The following RASGRP4 variants were observed in gnomAD, a reference collection of about 807,000 sequenced individuals.
RASGRP4 encodes RAS guanyl-releasing protein 4.
In RASGRP4, 52 loss-of-function variants were observed where a neutral mutation model predicts 84.4. The ratio of observed to expected loss-of-function variants is 0.62; its 90% CI spans 0.49 to 0.78. The LOEUF (loss-of-function observed/expected upper bound fraction) is 0.78, where lower values mean the gene tolerates loss of function less well. Among genes scored for constraint, RASGRP4 ranks in the 30% least tolerant of loss-of-function variants. The pLI is 0.00. For synonymous variants in RASGRP4, 356 were observed against 359.1 expected (o/e 0.99, Z 0.10); for missense variants, 760 against 886.9 (o/e 0.86, Z 1.82).
In RASGRP4 at chr19:38,409,082, A is replaced by C; in HGVS notation, c.*958T>G. The C allele has an allele frequency of 2.0e-6, 1 of 489,104 alleles. No homozygotes were observed. Among genetic ancestry groups the C allele is most frequent in the Non-Finnish European group, 3.4e-6 (1 of 297,988 alleles). The allele number at this position is 489,104 out of a possible 1,614,324, so 30.3% of individuals were successfully genotyped here. On this transcript the variant is annotated 3_prime_UTR_variant, in exon 17 of 17. Transcript: ENST00000615439. ...CTCCAGAGAATAAATTTAATTTATG[A>C]CAGCTGTAGGACCTCTCTCTGTGGG...
At chr19:38,420,563 G>T (rs1971700053) in intron 4 of RASGRP4, among the ~76,000 whole-genome samples, 1 of 151,444 alleles carries the variant, frequency 6.6e-6, no homozygotes, top group Non-Finnish European at 1.5e-5. Flanking sequence ...GGCTTCCGGG[G>T]GTGAAATTTT....
At chr19:38,410,411 T>C (rs79020718) in intron 16 of RASGRP4, among the ~76,000 whole-genome samples, 7 of 148,520 alleles carry the variant, frequency 4.7e-5, no homozygotes, top group African/African-American at 1.8e-4. Context: ...AACTTCTATT[T>C]TTCTTTTTTT....
At position 38,411,154 on chromosome 19, in the gene RASGRP4, C is replaced by T; in HGVS notation, c.1813G>A (p.Ala605Thr). The T allele has an allele frequency of 6.2e-7, 1 of 1,613,876 alleles. No individual in the cohort carries two copies. The highest frequency in any genetic ancestry group is 1.1e-5 in the South Asian group (1 of 91,080). The change falls in exon 15 of 17, where the codon GCT becomes ACT. Residue 605 changes from alanine (A) to threonine (T), a missense_variant. By Grantham distance (58) the Ala-to-Thr change is moderately conservative (BLOSUM62 0). Coordinates refer to ENST00000615439, the MANE Select transcript of RASGRP4 (RefSeq NM_170604.3). Reference protein sequence around the residue: ...GAKGDAGPPGAPVPSTPAPHA... With the variant: ...GAKGDAGPPGTPVPSTPAPHA... ...GGAGCTGGTGTGGATGGGACAGGAG[C>T]TCCGGGGGGTCCTGCATCGCCCTTG... is the stretch of plus-strand genomic sequence containing the variant.
intron 1 of RASGRP4, among the ~76,000 whole-genome samples, chr19:38,425,504 C>T (rs1416846242): frequency 3.3e-5 from 5 of 152,108 alleles, no homozygotes; most frequent in Admixed American, 2.0e-4. Flanking sequence ...CTGGGGGTGG[C>T]AGGAGGAGTT....
rs747352606 is a variant in RASGRP4 at position 38,417,160 on chromosome 19, G to A, written c.846C>T (p.His282=). Residue 282 remains histidine, a synonymous_variant, in exon 8 of 17, where the codon CAC becomes CAT. Transcript: ENST00000615439. The surrounding 1 kb of genome is among the most constrained non-coding windows in gnomAD (Gnocchi z 5.1). ...DKFIHVAQRL[H]QLQNFNTLMA... ...TCAGCGTGTTGAAATTCTGCAGCTG[G>A]TGGAGCCTCTAGGAAGAGAAGCATG... is the stretch of plus-strand genomic sequence containing the variant. The A allele has an allele frequency of 6.4e-7, 1 of 1,556,086 alleles. No homozygotes were observed. Among genetic ancestry groups the A allele is most frequent in the East Asian group, 2.4e-5 (1 of 41,390 alleles).
Position 38,426,113 on chromosome 19 carries a change from G to A in RASGRP4, c.-22C>T, listed in dbSNP as rs369893715. 7.6e-5 allele frequency: 101 copies of A among 1,322,538 alleles called. No individual in the cohort carries two copies. The highest frequency in any genetic ancestry group is 9.6e-5 in the Non-Finnish European group (99 of 1,027,176). 81.9% of individuals were successfully genotyped at this position (1,322,538 alleles called of 1,614,324 possible). A position where few individuals can be genotyped will look rare whatever the true frequency, so the allele number is the denominator to read the frequency against. On this transcript the variant is annotated 5_prime_UTR_variant, in exon 1 of 17. Coordinates refer to ENST00000615439, the MANE Select transcript of RASGRP4 (RefSeq NM_170604.3). ...TCATGCTTCCCGCGTGGGGTGAGGA[G>A]GCCGGGGGTCTTGCAAGAGTAGGGC... is the stretch of plus-strand genomic sequence containing the variant.
Position 38,410,010 on chromosome 19 carries a change from G to C in RASGRP4, c.*30C>G. The C allele has an allele frequency of 6.3e-7, 1 of 1,589,664 alleles. No individual in the cohort carries two copies. Among genetic ancestry groups the C allele is most frequent in the Non-Finnish European group, 8.6e-7 (1 of 1,162,184 alleles). ...GGACTCAGGACTGACTGGGGGAAGG[G>C]AGTGAGGAAGAGAGGAGACCAAGAG... On this transcript the variant is annotated 3_prime_UTR_variant, in exon 17 of 17. Transcript: ENST00000615439.
At chr19:38,419,009 G>A (rs1049012410) in intron 6 of RASGRP4, among the ~76,000 whole-genome samples, 1 of 152,064 alleles carries the variant, frequency 6.6e-6, no homozygotes, top group Non-Finnish European at 1.5e-5. Context: ...ACCTCTATCT[G>A]TTCTGCCCAA....
rs1237665580 is a variant in RASGRP4 at position 38,420,037 on chromosome 19, A to G, written c.510-24T>C. 3.1e-6 allele frequency: 5 copies of G among 1,611,572 alleles called. No homozygotes were observed. In the African/African-American group the frequency reaches 6.7e-5, roughly 22 times the overall value. Reference sequence around the variant, plus strand: ...GGCTGGGGGCCAAGAGGGGCAGGGTATTGGAGTGGCTCACAGTTGAGGGCT... The same window carrying G: ...GGCTGGGGGCCAAGAGGGGCAGGGTGTTGGAGTGGCTCACAGTTGAGGGCT... On this transcript the variant is annotated intron_variant, in intron 5 of 16. Coordinates refer to ENST00000615439, the MANE Select transcript of RASGRP4 (RefSeq NM_170604.3).
chr19:38,409,348 C>G lies in RASGRP4; in HGVS notation c.*692G>C, dbSNP rs1377963826. On this transcript the variant is annotated 3_prime_UTR_variant, in exon 17 of 17. Coordinates refer to ENST00000615439, the MANE Select transcript of RASGRP4 (RefSeq NM_170604.3). ...CAGTGAATGACATTGATAGAAATCC[C>G]TGTTCTCCTGGAGTTGATGCTCCTG... is the stretch of plus-strand genomic sequence containing the variant. 6.5e-6 allele frequency: 1 copy of G among 153,556 alleles called. No homozygotes were observed. Among genetic ancestry groups the G allele is most frequent in the Non-Finnish European group, 1.4e-5 (1 of 69,138 alleles). 9.5% of individuals were successfully genotyped at this position (153,556 alleles called of 1,614,324 possible). A position where few individuals can be genotyped will look rare whatever the true frequency, so the allele number is the denominator to read the frequency against.
At chr19:38,416,978 G>C (rs1023006701) in intron 8 of RASGRP4, 74 bp downstream of exon 8, 1 of 881,674 alleles carries the variant, frequency 1.1e-6, no homozygotes, top group African/African-American at 1.7e-5. Context: ...GGAATGGACA[G>C]GGCTTGGGGA....
intron 16 of RASGRP4, 115 bp downstream of exon 16, chr19:38,410,771 C>G (rs1464319811): frequency 1.1e-5 from 8 of 734,622 alleles, no homozygotes; most frequent in African/African-American, 3.5e-5. Flanking sequence ...CCCCAGCAGT[C>G]AAGGACTTCT....
chr19:38,424,620 G>GT (rs1254281648), intron 1 of RASGRP4, among the ~76,000 whole-genome samples: 1 of 144,942 alleles, frequency 6.9e-6, no homozygotes, highest in Non-Finnish European at 1.5e-5. Flanking sequence ...TGTCAATGGG[G>GT]GGGGGGGTCT....
intron 2 of RASGRP4, 81 bp from the exon 3 acceptor site, chr19:38,421,281 C>G: frequency 9.5e-7 from 1 of 1,049,002 alleles, no homozygotes. Flanking sequence ...GCCGGACCAC[C>G]TGGTTCAAAG....
rs1282879355 is a variant in RASGRP4 at position 38,415,143 on chromosome 19, G to A, written c.955-20C>T. 1.9e-6 allele frequency: 3 copies of A among 1,570,842 alleles called. No individual in the cohort carries two copies. Among genetic ancestry groups the A allele is most frequent in the Non-Finnish European group, 2.6e-6 (3 of 1,156,424 alleles). The stretch of plus-strand genomic sequence containing the variant: ...GAGGGCCTGGGGAGGAGGGACATGG[G>A]ATTGGGGCGTTATCAGGACAGTCCC... On this transcript the variant is annotated intron_variant, in intron 8 of 16. Coordinates refer to ENST00000615439, the MANE Select transcript of RASGRP4 (RefSeq NM_170604.3).
rs1165104294 is a variant in RASGRP4 at position 38,418,692 on chromosome 19, C to T, written c.664-128G>A. The T allele has an allele frequency of 2.2e-6, 2 of 897,196 alleles. No individual in the cohort carries two copies. The highest frequency in any genetic ancestry group is 3.2e-6 in the Non-Finnish European group (2 of 617,352). 55.6% of individuals were successfully genotyped at this position (897,196 alleles called of 1,614,324 possible). On this transcript the variant is annotated intron_variant, in intron 6 of 16. Coordinates refer to ENST00000615439, the MANE Select transcript of RASGRP4 (RefSeq NM_170604.3). This position sits in a 1 kb window ranked among gnomAD's most constrained non-coding sequence, Gnocchi z 4.6. ...GCCGGAGTGACCTTTGTCATCTGTC[C>T]CCCAACCCTCAGGCTGCTACATGTC... is the stretch of plus-strand genomic sequence containing the variant.
At chr19:38,415,724 G>C (rs1365226186) in intron 8 of RASGRP4, among the ~76,000 whole-genome samples, 2 of 151,948 alleles carry the variant, frequency 1.3e-5, no homozygotes, top group African/African-American at 2.4e-5. Flanking sequence ...ACCCAGGCTG[G>C]AGTACAGTGT....
chr19:38,417,206 G>A lies in RASGRP4; in HGVS notation c.838-38C>T, dbSNP rs536124598. Reference sequence around the variant, plus strand: ...GCATGCACACAGGGCCGTCACGGGAGGGAGGGCAAGTCAGGAGTTCAGATG... The same window carrying A: ...GCATGCACACAGGGCCGTCACGGGAAGGAGGGCAAGTCAGGAGTTCAGATG... On this transcript the variant is annotated intron_variant, in intron 7 of 16. Transcript: ENST00000615439. The surrounding 1 kb of genome is among the most constrained non-coding windows in gnomAD (Gnocchi z 5.1). 49 of 1,362,572 alleles carry A rather than the reference G, an allele frequency of 3.6e-5. No individual in the cohort carries two copies. The South Asian group carries it at 5.7e-4, about 16-fold the overall frequency. 84.4% of individuals were successfully genotyped at this position (1,362,572 alleles called of 1,614,324 possible). A position where few individuals can be genotyped will look rare whatever the true frequency, so the allele number is the denominator to read the frequency against.
chr19:38,418,198 C>T lies in RASGRP4; in HGVS notation c.837+193G>A, dbSNP rs765400689. ...CCAAGGGGTGGGGCCACGGTGGGTG[C>T]GACGCGGTGACATCAAGGCCAAAGA... On this transcript the variant is annotated intron_variant, in intron 7 of 16. Coordinates refer to ENST00000615439, the MANE Select transcript of RASGRP4 (RefSeq NM_170604.3). The surrounding 1 kb of genome is among the most constrained non-coding windows in gnomAD (Gnocchi z 4.6). 1.3e-5 allele frequency among the ~76,000 whole-genome samples: 2 copies of T among 151,740 alleles called. No homozygotes were observed. The highest frequency in any genetic ancestry group is 4.8e-5 in the African/African-American group (2 of 41,268).
Sources: allele counts gnomAD v4.1 joint callset (sites outside exome capture counted in the v4.1 genomes callset), GRCh38; gene constraint gnomAD v4.1.1; non-coding constraint Gnocchi (gnomAD v3.1); transcripts MANE v1.5; gene names NCBI Gene and HGNC (gene_info 2026-07-23, HGNC 2026-07-21).